The following PDCD1 variants were observed in gnomAD, a reference collection of about 807,000 sequenced individuals.
The protein encoded by PDCD1 is programmed cell death 1.
PDCD1 carries 10 observed loss-of-function variants against 23.6 expected under a neutral mutation model. That is an observed-to-expected ratio of 0.42 (90% confidence interval 0.26 to 0.72). The LOEUF (loss-of-function observed/expected upper bound fraction) is 0.72. Among genes scored for constraint, PDCD1 ranks in the 30% least tolerant of loss-of-function variants. The pLI is 0.24. For missense variants in PDCD1, 313 were observed against 397.8 expected, an observed-to-expected ratio of 0.79 and a Z score of 1.81; for synonymous variants, 168 against 169.3, an observed-to-expected ratio of 0.99 and a Z score of 0.06.
At chr2:241,857,920 T>A (rs1442306586) in intron 1 of PDCD1, among the ~76,000 whole-genome samples, 3 of 152,018 alleles carry the variant, frequency 2.0e-5, no homozygotes, top group Non-Finnish European at 4.4e-5. Flanking sequence ...GGCCTTGGCA[T>A]CCCCAGGTGC....
rs376257658 is a variant in PDCD1 at position 241,851,279 on chromosome 2, C to T, written c.646G>A (p.Val216Met). Reference sequence around the variant, plus strand: ...CCATAGTCCACAGAGAACACAGGCACGGCTGAGGGGTCCTCCTTCTTTGAG... The same window carrying T: ...CCATAGTCCACAGAGAACACAGGCATGGCTGAGGGGTCCTCCTTCTTTGAG... ...GQPLKEDPSA[V>M]PVFSVDYGEL... is the part of the protein sequence containing the mutation. Residue 216 changes from valine (V) to methionine (M), a missense_variant, in exon 5 of 5, where the codon GTG (valine) becomes ATG (methionine). Coordinates refer to ENST00000334409, the MANE Select transcript of PDCD1 (RefSeq NM_005018.3). 5.8e-5 allele frequency: 93 copies of T among 1,611,542 alleles called. No homozygotes were observed. Among genetic ancestry groups the T allele is most frequent in the Non-Finnish European group, 7.0e-5 (82 of 1,178,522 alleles).
In PDCD1 at chr2:241,850,348, G is replaced by A. The variant is rs756838493; in HGVS notation, c.*710C>T. ...GCGGCAGGAGGCCAGAGTGCTGGCTGGGCCTGAAAGGCCTCCAGCTCTGCC... is the reference window on the plus strand; with the variant it reads ...GCGGCAGGAGGCCAGAGTGCTGGCTAGGCCTGAAAGGCCTCCAGCTCTGCC... On this transcript the variant is annotated 3_prime_UTR_variant, in exon 5 of 5. Coordinates refer to ENST00000334409, the MANE Select transcript of PDCD1 (RefSeq NM_005018.3). 12 of 236,420 alleles carry A rather than the reference G, an allele frequency of 5.1e-5. No individual in the cohort carries two copies. Among genetic ancestry groups the A allele is most frequent in the Non-Finnish European group, 8.3e-5 (10 of 120,260 alleles). The allele number at this position is 236,420 out of a possible 1,614,324, so 14.6% of individuals were successfully genotyped here.
At position 241,850,788 on chromosome 2, in the gene PDCD1, C is replaced by A; in HGVS notation, c.*270G>T. 1.6e-6 allele frequency: 1 copy of A among 630,142 alleles called. No homozygotes were observed. Among genetic ancestry groups the A allele is most frequent in the East Asian group, 2.8e-5 (1 of 35,128 alleles). 39.0% of individuals were successfully genotyped at this position (630,142 alleles called of 1,614,324 possible). ...GGAGCTGGACGCAGGCAGCTCTGTG[C>A]TGGCAGGACCTGAAGCAGTGACTGC... On this transcript the variant is annotated 3_prime_UTR_variant, in exon 5 of 5. Coordinates refer to ENST00000334409, the MANE Select transcript of PDCD1 (RefSeq NM_005018.3).
chr2:241,854,891 C>T (rs906169436), intron 1 of PDCD1, among the ~76,000 whole-genome samples: 2 of 152,290 alleles, frequency 1.3e-5, no homozygotes, highest in African/African-American at 2.4e-5. Flanking sequence ...GAGGTGCTGG[C>T]GACAGGACAA....
rs56029561 is a variant in PDCD1 at position 241,850,723 on chromosome 2, GGCAGCAGCA to G, written c.*326_*334del. 1.4e-4 allele frequency: 79 copies of G among 579,488 alleles called. No individual in the cohort carries two copies. The highest frequency in any genetic ancestry group is 2.7e-4 in the Admixed American group (12 of 44,472). 35.9% of individuals were successfully genotyped at this position (579,488 alleles called of 1,614,324 possible). On this transcript the variant is annotated 3_prime_UTR_variant, in exon 5 of 5. Transcript: ENST00000334409. ...ACGGCGCCTTCAGCCCCGGGCCGCA[GGCAGCAGCA>G]GCAGCAGCAGCAGCAGCAGCAGAGA... is the stretch of plus-strand genomic sequence containing the variant.
In PDCD1 at chr2:241,850,008, G is replaced by A. The variant is rs1035578028; in HGVS notation, c.*1050C>T. The A allele has an allele frequency of 2.2e-5, 5 of 224,442 alleles. No homozygotes were observed. Among genetic ancestry groups the A allele is most frequent in the Admixed American group, 1.7e-4 (3 of 17,428 alleles). 13.9% of individuals were successfully genotyped at this position (224,442 alleles called of 1,614,324 possible). The stretch of plus-strand genomic sequence containing the variant: ...ATGCTGGTGGCCCTGCCCCAGGAGT[G>A]GGGGTGCAGTGTGTGGATGTGAGGA... On this transcript the variant is annotated 3_prime_UTR_variant, in exon 5 of 5. Coordinates refer to ENST00000334409, the MANE Select transcript of PDCD1 (RefSeq NM_005018.3).
At position 241,854,251 on chromosome 2, in the gene PDCD1, C is replaced by T. The variant is rs375439679; in HGVS notation, c.77-1271G>A. ...TCTGTGCCCATGGCCTCCCGGCTGA[C>T]AAGCGCTCGCCTCCTTCACCTGCGT... is the stretch of plus-strand genomic sequence containing the variant. On this transcript the variant is annotated intron_variant, in intron 1 of 4. Transcript: ENST00000334409. Among the ~76,000 whole-genome samples the T allele has an allele frequency of 2.6e-4, 39 of 152,324 alleles. 1 individual carries two copies. In the East Asian group the frequency reaches 3.1e-3, roughly 12 times the overall value.
At chr2:241,852,062 T>G in intron 3 of PDCD1, 79 bp from the exon 4 acceptor site, 1 of 1,185,824 alleles carries the variant, frequency 8.4e-7, no homozygotes, top group African/African-American at 1.8e-5. Context: ...CCAGGGGCCT[T>G]CATCAGGGAC....
In PDCD1 at chr2:241,852,332, G is replaced by A; in HGVS notation, c.458C>T (p.Thr153Ile). 6.2e-7 allele frequency: 1 copy of A among 1,600,594 alleles called. No homozygotes were observed. The highest frequency in any genetic ancestry group is 1.1e-5 in the South Asian group (1 of 90,682). ...CCTGGGTGAGGGGCTGGGGTGGGCT[G>A]TGGGCACTTCTGCCCTTCTCTCTGG... is the stretch of plus-strand genomic sequence containing the variant. ...RVTERRAEVP[T>I]AHPSPSPRPA... Residue 153 changes from threonine (T) to isoleucine (I), a missense_variant, in exon 3 of 5, where the codon ACA becomes ATA. Physicochemically the swap from Thr to Ile is moderately conservative, Grantham distance 89. This residue lies in a region of PDCD1 where 20 missense variants were observed against 53.3 expected (regional missense o/e 0.38). Transcript: ENST00000334409.
At chr2:241,858,370 G>C (rs1446807579) in intron 1 of PDCD1, among the ~76,000 whole-genome samples, 2 of 152,226 alleles carry the variant, frequency 1.3e-5, no homozygotes, top group Admixed American at 6.5e-5. Context: ...GCCAAGGTTT[G>C]GGGTTCTGGC....
chr2:241,853,125 C>T, intron 1 of PDCD1, 145 bp from the exon 2 acceptor site: 1 of 964,988 alleles, frequency 1.0e-6, no homozygotes, highest in Non-Finnish European at 1.5e-6. Context: ...GGGGCCTCTG[C>T]CACCCGGGGA....
rs116079750 is a variant in PDCD1 at position 241,853,457 on chromosome 2, C to A, written c.77-477G>T. 5.1e-3 allele frequency among the ~76,000 whole-genome samples: 784 copies of A among 152,366 alleles called. 8 individuals are homozygous for A. The highest frequency in any genetic ancestry group is 0.018 in the African/African-American group (757 of 41,590). On this transcript the variant is annotated intron_variant, in intron 1 of 4. Transcript: ENST00000334409. ...TGGCAGGCTCAGGGTCCAGTCTTTG[C>A]CCCCTTTTCAGGACAAGCTCGGAGC...
Position 241,858,866 on chromosome 2 carries a change from CCTTCTCCA to C in PDCD1, c.-36_-29del. The C allele has an allele frequency of 6.5e-7, 1 of 1,547,264 alleles. No homozygotes were observed. Among genetic ancestry groups the C allele is most frequent in the Admixed American group, 1.9e-5 (1 of 51,622 alleles). On this transcript the variant is annotated 5_prime_UTR_variant, in exon 1 of 5. Coordinates refer to ENST00000334409, the MANE Select transcript of PDCD1 (RefSeq NM_005018.3). The stretch of plus-strand genomic sequence containing the variant: ...CTGGAGCAGCCCCACCAGAGTGCCG[CCTTCTCCA>C]CTGCTCAGGCGGAGGTGAGCGGAAG...
At chr2:241,852,551 T>G in intron 2 of PDCD1, 70 bp downstream of exon 2, 6 of 1,549,486 alleles carry the variant, frequency 3.9e-6, no homozygotes, top group South Asian at 1.2e-5. Flanking sequence ...CTCCTGATCC[T>G]GTGCAGGAGG....
Position 241,852,219 on chromosome 2 carries a change from T to A in PDCD1, c.571A>T (p.Ile191Phe), listed in dbSNP as rs1205389275. Residue 191 changes from isoleucine (I) to phenylalanine (F), a missense_variant, in exon 3 of 5, where the codon ATC (isoleucine) becomes TTC (phenylalanine). Physicochemically the swap from Ile to Phe is conservative, Grantham distance 21 (BLOSUM62 0). Around this residue, in one of 3 missense-constraint regions of PDCD1, gnomAD observed 158 missense variants for 177.5 expected, o/e 0.89. Coordinates refer to ENST00000334409, the MANE Select transcript of PDCD1 (RefSeq NM_005018.3). The stretch of plus-strand genomic sequence containing the variant: ...TTACCTCGTGCGGCCCGGGAGCAGA[T>A]GACGGCCAGGACCCAGACTAGCAGC... ...LVLLVWVLAV[I>F]CSRAARGTIG... is the part of the protein sequence containing the mutation. 1.2e-6 allele frequency: 2 copies of A among 1,610,140 alleles called. No individual in the cohort carries two copies. Among genetic ancestry groups the A allele is most frequent in the Admixed American group, 1.7e-5 (1 of 59,686 alleles).
At chr2:241,858,287 C>G (rs1701069516) in intron 1 of PDCD1, among the ~76,000 whole-genome samples, 1 of 152,214 alleles carries the variant, frequency 6.6e-6, no homozygotes, top group Non-Finnish European at 1.5e-5. Context: ...GGGGCTCATC[C>G]CATCCTTAGG....
At chr2:241,851,744 G>A (rs1700907428) in intron 4 of PDCD1, among the ~76,000 whole-genome samples, 1 of 151,938 alleles carries the variant, frequency 6.6e-6, no homozygotes, top group African/African-American at 2.4e-5. Flanking sequence ...CACATGGGCC[G>A]GGCACCCCCG....
chr2:241,857,139 C>T (rs564362294), intron 1 of PDCD1, among the ~76,000 whole-genome samples: 4 of 152,298 alleles, frequency 2.6e-5, no homozygotes, highest in East Asian at 1.9e-4. Context: ...GTGGTGGCCC[C>T]GGGAATGACC....
Position 241,851,039 on chromosome 2 carries a change from T to C in PDCD1, c.*19A>G. ...TCATGGTGGAGGGTCTGCAGAACAC[T>C]GGTGGCCAAGGAAGCCGGTCAGAGG... On this transcript the variant is annotated 3_prime_UTR_variant, in exon 5 of 5. Coordinates refer to ENST00000334409, the MANE Select transcript of PDCD1 (RefSeq NM_005018.3). The C allele has an allele frequency of 6.2e-7, 1 of 1,602,746 alleles. No homozygotes were observed. Among genetic ancestry groups the C allele is most frequent in the Non-Finnish European group, 8.5e-7 (1 of 1,174,076 alleles).
Sources: allele counts gnomAD v4.1 joint callset (sites outside exome capture counted in the v4.1 genomes callset), GRCh38; gene constraint gnomAD v4.1.1; regional missense constraint gnomAD v4.1.1; transcripts MANE v1.5; gene names NCBI Gene and HGNC (gene_info 2026-07-23, HGNC 2026-07-21).